The following NLGN1 variants were observed in gnomAD, a reference collection of about 807,000 sequenced individuals.
NLGN1 encodes the protein neuroligin-1.
A neutral mutation model predicts 65.5 loss-of-function variants in NLGN1; 12 were observed. The observed-to-expected ratio is 0.18, with a 90% confidence interval of 0.12 to 0.30. The LOEUF is 0.30. NLGN1 is among the 10% of genes least tolerant of loss of function. NLGN1 has a pLI of 1.00. For missense variants in NLGN1, 750 were observed against 1,007.1 expected (o/e 0.74, Z 3.46); for synonymous variants, 350 against 359.5 (o/e 0.97, Z 0.30).
rs770757536 is a variant in NLGN1, at chr3:174,059,208, CA to C, written c.647-216105del. 3.3e-5 allele frequency among the ~76,000 whole-genome samples: 5 copies of C among 152,150 alleles called. No homozygotes were observed. The East Asian group carries it at 7.7e-4, about 24-fold the overall frequency. ...AGAGAGCCTGACGGGGTAAATGGTG[CA>C]ATCTAGTACTTCTTCCTGGGCTAGC... is the stretch of plus-strand genomic sequence containing the variant. On this transcript the variant is annotated intron_variant, in intron 4 of 6. Transcript: ENST00000457714.
intron 3 of NLGN1, among the ~76,000 whole-genome samples, chr3:173,719,616 A>G (rs889350318): frequency 1.3e-5 from 2 of 152,186 alleles, no homozygotes; most frequent in Admixed American, 6.5e-5. Context: ...ATTGGTAGAT[A>G]TTTTGTCAGT....
At chr3:173,636,951 G>A (rs1756688506) in intron 3 of NLGN1, among the ~76,000 whole-genome samples, 2 of 152,130 alleles carry the variant, frequency 1.3e-5, no homozygotes, top group South Asian at 4.1e-4. Context: ...TTAAGCTAGT[G>A]TGAAAAATAA....
At chr3:173,912,026 C>T (rs962345540) in intron 4 of NLGN1, among the ~76,000 whole-genome samples, 5 of 152,106 alleles carry the variant, frequency 3.3e-5, no homozygotes, top group African/African-American at 1.2e-4. Flanking sequence ...TAGTATATTT[C>T]ATAAGATCAC....
the NLGN1 span, among the ~76,000 whole-genome samples, chr3:174,293,389 C>T: frequency 2.2e-4 from 33 of 151,256 alleles, no homozygotes; most frequent in South Asian, 2.9e-3. Context: ...TAATAATACA[C>T]GACAATGTTG....
chr3:174,188,134 A>G (rs917855715), intron 4 of NLGN1, among the ~76,000 whole-genome samples: 1 of 152,024 alleles, frequency 6.6e-6, no homozygotes, highest in African/African-American at 2.4e-5. Flanking sequence ...GGCAAACTTA[A>G]CAACTGCTGA....
intron 3 of NLGN1, among the ~76,000 whole-genome samples, chr3:173,803,111 G>A (rs1715812829): frequency 6.6e-6 from 1 of 152,018 alleles, no homozygotes; most frequent in Admixed American, 6.5e-5. Context: ...ACAGTGCTGG[G>A]GTTACAGGCG....
chr3:173,414,548 A>G (rs1224789685), intron 1 of NLGN1, among the ~76,000 whole-genome samples: 2 of 151,964 alleles, frequency 1.3e-5, no homozygotes, highest in Admixed American at 6.6e-5. Flanking sequence ...TTAAGAGACT[A>G]GAACTACATT....
At chr3:173,983,794 C>T (rs1719293757) in intron 4 of NLGN1, among the ~76,000 whole-genome samples, 1 of 152,140 alleles carries the variant, frequency 6.6e-6, no homozygotes, top group Non-Finnish European at 1.5e-5. Context: ...CAACCCCCAT[C>T]CTCACCATAA....
At chr3:173,725,623 T>C (rs1771633224) in intron 3 of NLGN1, among the ~76,000 whole-genome samples, 1 of 152,244 alleles carries the variant, frequency 6.6e-6, no homozygotes, top group South Asian at 2.1e-4. Context: ...CTATGCTGTA[T>C]AGCTAATCAC....
At chr3:173,610,902 G>A (rs1045584211) in intron 3 of NLGN1, among the ~76,000 whole-genome samples, 27 of 151,830 alleles carry the variant, frequency 1.8e-4, no homozygotes, top group Non-Finnish European at 3.7e-4. Flanking sequence ...CTTTTGTTAC[G>A]GTAGGTTAAG....
intron 4 of NLGN1, among the ~76,000 whole-genome samples, chr3:174,159,005 G>C (rs1031050447): frequency 2.0e-5 from 3 of 151,386 alleles, no homozygotes; most frequent in African/African-American, 4.9e-5. Context: ...TGTACAAAAT[G>C]AAAAGATACA....
At chr3:173,593,644 A>G (rs1288786388) in intron 2 of NLGN1, among the ~76,000 whole-genome samples, 1 of 152,206 alleles carries the variant, frequency 6.6e-6, no homozygotes, top group Non-Finnish European at 1.5e-5. Flanking sequence ...TGGGGAAGGC[A>G]TTCTCCAGGA....
chr3:174,294,366 T>G, the NLGN1 span, among the ~76,000 whole-genome samples: 1 of 151,802 alleles, frequency 6.6e-6, no homozygotes, highest in Admixed American at 6.6e-5. Flanking sequence ...ATCAGTACTT[T>G]TGGTCATGTG....
intron 1 of NLGN1, among the ~76,000 whole-genome samples, chr3:173,425,553 T>A (rs929689451): frequency 6.6e-6 from 1 of 152,184 alleles, no homozygotes; most frequent in African/African-American, 2.4e-5. Flanking sequence ...TTTCCATTCT[T>A]CTGCATATGG....
At chr3:173,702,800 C>T (rs1767440789) in intron 3 of NLGN1, among the ~76,000 whole-genome samples, 1 of 152,198 alleles carries the variant, frequency 6.6e-6, no homozygotes, top group Non-Finnish European at 1.5e-5. Context: ...GAAAAAAAGA[C>T]TCCTCCGCTT....
At chr3:173,662,716 T>G (rs1421828366) in intron 3 of NLGN1, among the ~76,000 whole-genome samples, 1 of 151,974 alleles carries the variant, frequency 6.6e-6, no homozygotes, top group Non-Finnish European at 1.5e-5. Flanking sequence ...CTTAAGACAT[T>G]TTGGCATTCT....
chr3:174,099,723 ATTAAC>A lies in NLGN1; in HGVS notation c.647-175589_647-175585del, dbSNP rs568932717. 4.6e-5 allele frequency among the ~76,000 whole-genome samples: 7 copies of A among 152,290 alleles called. No individual in the cohort carries two copies. The East Asian group carries it at 1.4e-3, about 29-fold the overall frequency. ...TAAAGTAATTCAAAGGGAAGGCTTA[ATTAAC>A]TTCAGAAAAAAAAAGTTCAAAAGAA... On this transcript the variant is annotated intron_variant, in intron 4 of 6. Transcript: ENST00000457714.
intron 4 of NLGN1, among the ~76,000 whole-genome samples, chr3:173,935,101 T>G (rs1744810031): frequency 6.6e-6 from 1 of 152,032 alleles, no homozygotes; most frequent in South Asian, 2.1e-4. Context: ...TGTGCTATGT[T>G]CCCATCTTCT....
At chr3:174,246,326 T>C (rs1561379021) in intron 4 of NLGN1, among the ~76,000 whole-genome samples, 1 of 152,222 alleles carries the variant, frequency 6.6e-6, no homozygotes, top group Non-Finnish European at 1.5e-5. Flanking sequence ...CTGTTTATTA[T>C]TCCAAAACCA....
Sources: gnomAD v4.1 joint callset for allele counts (sites outside exome capture counted in the v4.1 genomes callset) on GRCh38, gnomAD v4.1.1 for gene constraint, MANE v1.5 for transcripts, NCBI Gene and HGNC (gene_info 2026-07-23, HGNC 2026-07-21) for gene names.